The following GLS variants were observed in gnomAD, a reference collection of about 807,000 sequenced individuals.
GLS encodes glutaminase kidney isoform, mitochondrial.
A neutral mutation model predicts 86.7 loss-of-function variants in GLS; 36 were observed. That is an observed-to-expected ratio of 0.42 (90% CI 0.32 to 0.55). The LOEUF is 0.55. GLS is among the 20% of genes least tolerant of loss of function. GLS has a pLI of 0.17. For synonymous variants in GLS, 317 were observed against 305.9 expected (o/e 1.04, Z -0.38); for missense variants, 528 against 833.4 (o/e 0.63, Z 4.51).
chr2:190,881,503 T>C (rs1455743867), intron 1 of GLS, 33 bp downstream of exon 1: 3 of 1,526,548 alleles, frequency 2.0e-6, no homozygotes, highest in Non-Finnish European at 2.6e-6. Flanking sequence ...GGAGGCCTCG[T>C]TCCTTTCGGG....
Position 190,910,268 on chromosome 2 carries a change from CCA to C in GLS, c.988_989del (p.His330Ter). 1 of 1,510,478 alleles carries C rather than the reference CCA, an allele frequency of 6.6e-7. No individual in the cohort carries two copies. The highest frequency in any genetic ancestry group is 9.1e-7 in the Non-Finnish European group (1 of 1,093,580). The allele number at this position is 1,510,478 out of a possible 1,614,324, so 93.6% of individuals were successfully genotyped here. A position where few individuals can be genotyped will look rare whatever the true frequency, so the allele number is the denominator to read the frequency against. ...ATTGCTTTTATATTTTACAGATAAA[CCA>C]CATAATCCTATGGTAAATGCTGGAG... ...NKLFLNEDDK[P>X]HNPMVNAGAI... On this transcript the variant is annotated frameshift_variant, in exon 7 of 18. Coordinates refer to ENST00000320717, the MANE Select transcript of GLS (RefSeq NM_014905.5). LOFTEE classifies it high-confidence loss of function.
rs1689421827 is a variant in GLS, at chr2:190,913,338, T to G, written c.1038+3017T>G. The G allele has an allele frequency of 8.5e-7, 1 of 1,179,046 alleles. No homozygotes were observed. Among genetic ancestry groups the G allele is most frequent in the Non-Finnish European group, 1.1e-6 (1 of 918,490 alleles). 73.0% of individuals were successfully genotyped at this position (1,179,046 alleles called of 1,614,324 possible). ...CTAAGCTTATAGGAAAACTCCAATA[T>G]TTAAAATTTTAAACAAAGCTATATA... On this transcript the variant is annotated intron_variant, in intron 7 of 17. Transcript: ENST00000320717. The surrounding 1 kb of genome is among the most constrained non-coding windows in gnomAD (Gnocchi z 6.1).
At position 190,935,038 on chromosome 2, in the gene GLS, C is replaced by T. The variant is rs1186701948; in HGVS notation, c.1650+3401C>T. ...TATGCCATTATTGATTCTTGATATT[C>T]AAGCATTTACAATGTAGCATATTTG... On this transcript the variant is annotated intron_variant, in intron 14 of 17. Transcript: ENST00000320717. The surrounding 1 kb of genome is among the most constrained non-coding windows in gnomAD (Gnocchi z 4.2). 7 of 934,846 alleles carry T rather than the reference C, an allele frequency of 7.5e-6. No individual in the cohort carries two copies. The highest frequency in any genetic ancestry group is 6.2e-5 in the Admixed American group (1 of 16,110). 57.9% of individuals were successfully genotyped at this position (934,846 alleles called of 1,614,324 possible). A position where few individuals can be genotyped will look rare whatever the true frequency, so the allele number is the denominator to read the frequency against.
intron 14 of GLS, among the ~76,000 whole-genome samples, chr2:190,952,939 T>C (rs192418890): frequency 5.9e-5 from 9 of 152,320 alleles, no homozygotes; most frequent in African/African-American, 1.9e-4. Flanking sequence ...CTTGGAGCAC[T>C]TAATAGAGGT....
chr2:190,932,805 T>C (rs765060920), intron 14 of GLS: 9 of 1,606,096 alleles, frequency 5.6e-6, no homozygotes, highest in African/African-American at 4.0e-5. Flanking sequence ...CTGAGTCAAA[T>C]GAGGACATCT....
chr2:190,888,878 TC>T (rs1476119291), intron 1 of GLS, among the ~76,000 whole-genome samples: 1 of 152,216 alleles, frequency 6.6e-6, no homozygotes, highest in Non-Finnish European at 1.5e-5. Flanking sequence ...CTTAGCTTTT[TC>T]AAAAAATTGT....
rs1459292407 is a variant in GLS at position 190,951,160 on chromosome 2, G to T, written c.1651-2405G>T. Among the ~76,000 whole-genome samples the T allele has an allele frequency of 6.6e-6, 1 of 152,132 alleles. No homozygotes were observed. Among genetic ancestry groups the T allele is most frequent in the African/African-American group, 2.4e-5 (1 of 41,432 alleles). ...GAGTAGTATTTGGCAGTGGAAAGTG[G>T]GTAATGAATCTGCAAAGCAGCAAAC... On this transcript the variant is annotated intron_variant, in intron 14 of 17. Coordinates refer to ENST00000320717, the MANE Select transcript of GLS (RefSeq NM_014905.5). The surrounding 1 kb of genome is among the most constrained non-coding windows in gnomAD (Gnocchi z 4.2).
rs1328576375 is a variant in GLS, at chr2:190,951,634, ATCT to A, written c.1651-1927_1651-1925del. On this transcript the variant is annotated intron_variant, in intron 14 of 17. Coordinates refer to ENST00000320717, the MANE Select transcript of GLS (RefSeq NM_014905.5). The surrounding 1 kb of genome is among the most constrained non-coding windows in gnomAD (Gnocchi z 4.2). ...TCTTTTTAGCAAAGTTGTAGTTAGGATCTTCTGTCTGTTTTTAGGGGTCTCCAC... is the reference window on the plus strand; with the variant it reads ...TCTTTTTAGCAAAGTTGTAGTTAGGATCTGTCTGTTTTTAGGGGTCTCCAC... Among the ~76,000 whole-genome samples the A allele has an allele frequency of 2.0e-5, 3 of 152,142 alleles. No individual in the cohort carries two copies. The highest frequency in any genetic ancestry group is 7.2e-5 in the African/African-American group (3 of 41,420).
chr2:190,895,779 C>T lies in GLS; in HGVS notation c.605+54C>T. 1 of 1,452,036 alleles carries T rather than the reference C, an allele frequency of 6.9e-7. No individual in the cohort carries two copies. The highest frequency in any genetic ancestry group is 9.3e-7 in the Non-Finnish European group (1 of 1,076,702). 89.9% of individuals were successfully genotyped at this position (1,452,036 alleles called of 1,614,324 possible). A position where few individuals can be genotyped will look rare whatever the true frequency, so the allele number is the denominator to read the frequency against. On this transcript the variant is annotated intron_variant, in intron 3 of 17. Coordinates refer to ENST00000320717, the MANE Select transcript of GLS (RefSeq NM_014905.5). This position sits in a 1 kb window ranked among gnomAD's most constrained non-coding sequence, Gnocchi z 4.2. The stretch of plus-strand genomic sequence containing the variant: ...TGATTTGCTATGCTATACGGTGATT[C>T]TGCTTTTAAAACAAAATTGCATCTT...
intron 3 of GLS, among the ~76,000 whole-genome samples, chr2:190,900,056 TTAATC>T (rs1422112927): frequency 1.7e-4 from 26 of 152,248 alleles, no homozygotes; most frequent in African/African-American, 6.3e-4. Context: ...AAGACATAAA[TTAATC>T]TGACTAAACA....
In GLS at chr2:190,913,039, G is replaced by A. The variant is rs1355616846; in HGVS notation, c.1038+2718G>A. ...TTAATTGATGACCTTAAGGCTATTT[G>A]TGATTTTTTTTTTTCTTTCAAAATT... On this transcript the variant is annotated intron_variant, in intron 7 of 17. Transcript: ENST00000320717. The surrounding 1 kb of genome is among the most constrained non-coding windows in gnomAD (Gnocchi z 6.1). Among the ~76,000 whole-genome samples the A allele has an allele frequency of 3.4e-5, 1 of 29,784 alleles. No homozygotes were observed. Among genetic ancestry groups the A allele is most frequent in the Admixed American group, 4.3e-4 (1 of 2,310 alleles). The allele number at this position is 29,784 out of a possible 152,430, so 19.5% of individuals were successfully genotyped here.
Position 190,895,134 on chromosome 2 carries a change from T to C in GLS, c.387-18T>C, listed in dbSNP as rs1688685879. On this transcript the variant is annotated intron_variant, in intron 1 of 17. Transcript: ENST00000320717. This position sits in a 1 kb window ranked among gnomAD's most constrained non-coding sequence, Gnocchi z 4.2. Reference sequence around the variant, plus strand: ...TGTTCATACAAGGATTAATTTTGTGTTCTTTCTACCTCTTTAGTAAAATAA... The same window carrying C: ...TGTTCATACAAGGATTAATTTTGTGCTCTTTCTACCTCTTTAGTAAAATAA... The C allele has an allele frequency of 1.8e-6, 2 of 1,085,018 alleles. No homozygotes were observed. Among genetic ancestry groups the C allele is most frequent in the Admixed American group, 1.9e-5 (1 of 53,024 alleles). The allele number at this position is 1,085,018 out of a possible 1,614,324, so 67.2% of individuals were successfully genotyped here.
chr2:190,883,589 T>G lies in GLS; in HGVS notation c.386+2119T>G, dbSNP rs111763266. On this transcript the variant is annotated intron_variant, in intron 1 of 17. Transcript: ENST00000320717. The stretch of plus-strand genomic sequence containing the variant: ...ATTAAATAAATGAGAAAACATTGCT[T>G]CTTCATTATTGTAAAGCCTGTTAAA... 9.8e-5 allele frequency among the ~76,000 whole-genome samples: 15 copies of G among 152,366 alleles called. 1 individual carries two copies. Among genetic ancestry groups the G allele is most frequent in the African/African-American group, 3.6e-4 (15 of 41,598 alleles).
At chr2:190,907,758 G>A (rs1008219633) in intron 6 of GLS, among the ~76,000 whole-genome samples, 4 of 152,164 alleles carry the variant, frequency 2.6e-5, no homozygotes, top group African/African-American at 7.2e-5. Context: ...TGTCTGTATT[G>A]TTAACAGCTC....
At position 190,895,545 on chromosome 2, in the gene GLS, T is replaced by TA; in HGVS notation, c.484-58dup. The TA allele has an allele frequency of 8.4e-7, 1 of 1,192,378 alleles. No homozygotes were observed. Among genetic ancestry groups the TA allele is most frequent in the African/African-American group, 1.5e-5 (1 of 65,850 alleles). The allele number at this position is 1,192,378 out of a possible 1,614,324, so 73.9% of individuals were successfully genotyped here. On this transcript the variant is annotated intron_variant, in intron 2 of 17. Transcript: ENST00000320717. The surrounding 1 kb of genome is among the most constrained non-coding windows in gnomAD (Gnocchi z 4.2). ...TACAGGAATAAAATCTTATAGTTGG[T>TA]ATAAGCATATACATTATTTGCACTA...
intron 3 of GLS, chr2:190,896,200 A>G (rs1233400924): frequency 1.3e-5 from 2 of 152,266 alleles, no homozygotes; most frequent in Non-Finnish European, 2.9e-5. Context: ...ATATTGATAC[A>G]TAGGCTTTTG....
At position 190,943,746 on chromosome 2, in the gene GLS, T is replaced by C. The variant is rs1690509260; in HGVS notation, c.1651-9819T>C. Among the ~76,000 whole-genome samples the C allele has an allele frequency of 6.6e-6, 1 of 152,192 alleles. No individual in the cohort carries two copies. The highest frequency in any genetic ancestry group is 2.4e-5 in the African/African-American group (1 of 41,446). ...AAAGTGCTTTGAAAAGTTACAGCAT[T>C]AGAGAAACATACTGTTATTACACCT... On this transcript the variant is annotated intron_variant, in intron 14 of 17. Coordinates refer to ENST00000320717, the MANE Select transcript of GLS (RefSeq NM_014905.5). This position sits in a 1 kb window ranked among gnomAD's most constrained non-coding sequence, Gnocchi z 4.5.
chr2:190,881,728 G>A (rs1218299615), intron 1 of GLS, among the ~76,000 whole-genome samples: 4 of 152,144 alleles, frequency 2.6e-5, no homozygotes, highest in African/African-American at 9.7e-5. Flanking sequence ...GCCGCGGTGG[G>A]GCCTGATGGG....
rs1285959262 is a variant in GLS, at chr2:190,951,095, G to A, written c.1651-2470G>A. 2.0e-5 allele frequency among the ~76,000 whole-genome samples: 3 copies of A among 152,084 alleles called. No homozygotes were observed. The highest frequency in any genetic ancestry group is 7.2e-5 in the African/African-American group (3 of 41,402). On this transcript the variant is annotated intron_variant, in intron 14 of 17. Coordinates refer to ENST00000320717, the MANE Select transcript of GLS (RefSeq NM_014905.5). The surrounding 1 kb of genome is among the most constrained non-coding windows in gnomAD (Gnocchi z 4.2). ...CAGAGGAATAGATGAATTCTTTGAG[G>A]GACATTATATTGAAAAACAAGAAGA...
Sources: gnomAD v4.1 joint callset for allele counts (sites outside exome capture counted in the v4.1 genomes callset) on GRCh38, gnomAD v4.1.1 for gene constraint, Gnocchi (gnomAD v3.1) non-coding constraint, MANE v1.5 for transcripts, NCBI Gene and HGNC (gene_info 2026-07-23, HGNC 2026-07-21) for gene names.